The following NAV1 variants were observed in gnomAD, a reference collection of about 807,000 sequenced individuals.
NAV1 encodes neuron navigator 1.
Under a neutral mutation model 175.2 loss-of-function variants are expected in NAV1, and 18 were observed. The observed-to-expected ratio is 0.10, with a 90% CI of 0.07 to 0.15. The LOEUF (loss-of-function observed/expected upper bound fraction) is 0.15. Ranked by LOEUF, NAV1 falls within the 10% of genes least tolerant of loss-of-function variation. The pLI is 1.00. For synonymous variants in NAV1, 897 were observed against 978.7 expected, an observed-to-expected ratio of 0.92 and a Z score of 1.56; for missense variants, 1,731 against 2,436.6, an observed-to-expected ratio of 0.71 and a Z score of 6.10.
chr1:201,602,824 A>G (rs932972760), intron 2 of NAV1, among the ~76,000 whole-genome samples: 2 of 151,882 alleles, frequency 1.3e-5, no homozygotes, highest in South Asian at 4.2e-4. Flanking sequence ...ACTCCTGCTG[A>G]CTTTCACCAG....
At chr1:201,559,803 A>T (rs936436857) in intron 1 of NAV1, among the ~76,000 whole-genome samples, 1 of 152,202 alleles carries the variant, frequency 6.6e-6, no homozygotes, top group African/African-American at 2.4e-5. Flanking sequence ...CTTTGTCTGC[A>T]TGGCCTTGCA....
At chr1:201,708,221 CTG>C (rs1176949500) in intron 1 of NAV1, among the ~76,000 whole-genome samples, 3 of 151,868 alleles carry the variant, frequency 2.0e-5, no homozygotes, top group African/African-American at 4.8e-5. Flanking sequence ...TTTGTGGTAA[CTG>C]TGAATTGCCG....
intron 3 of NAV1, among the ~76,000 whole-genome samples, chr1:201,719,017 T>TGG (rs1159195314): frequency 6.6e-6 from 1 of 152,068 alleles, no homozygotes; most frequent in Non-Finnish European, 1.5e-5. Flanking sequence ...TTGGTCTCTG[T>TGG]GGCTGTCATT....
rs151070240 is a variant in NAV1 at position 201,640,952 on chromosome 1, G to A, written c.5-7682G>A. On this transcript the variant is annotated intron_variant, in intron 2 of 29. Transcript: ENST00000367302. ...TGGGAAGCACCAATAGGTGAATGAC[G>A]AATGACAGCCCTGAACATTAGGAAA... 3.5e-3 allele frequency among the ~76,000 whole-genome samples: 527 copies of A among 152,328 alleles called. 1 individual carries two copies. The highest frequency in any genetic ancestry group is 0.011 in the African/African-American group (458 of 41,578).
intron 3 of NAV1, among the ~76,000 whole-genome samples, chr1:201,734,499 G>GAAGAAGAAGAAGAGGAAGAAGAAGAAGA (rs1673016206): frequency 8.3e-6 from 1 of 121,060 alleles, no homozygotes; most frequent in Non-Finnish European, 1.8e-5. Context: ...GAAGGAGAAG[G>GAAGAAGAAGAAGAGGAAGAAGAAGAAGA]AGAAGAAGAA....
chr1:201,637,921 T>C (rs189900501), intron 2 of NAV1, among the ~76,000 whole-genome samples: 222 of 152,356 alleles, frequency 1.5e-3, no homozygotes, highest in African/African-American at 5.2e-3. Context: ...ACAGTTGCCA[T>C]GGCAACATAC....
At chr1:201,645,199 C>A (rs1190483717), upstream of NAV1, among the ~76,000 whole-genome samples, 1 of 152,038 alleles carries the variant, frequency 6.6e-6, no homozygotes, top group Non-Finnish European at 1.5e-5. Flanking sequence ...GGCACATATA[C>A]ACCATGGAAT....
intron 3 of NAV1, among the ~76,000 whole-genome samples, chr1:201,755,519 T>A (rs1477987243): frequency 6.6e-6 from 1 of 152,178 alleles, no homozygotes; most frequent in African/African-American, 2.4e-5. Flanking sequence ...AACTTAGTTT[T>A]TATTGTTATT....
intron 1 of NAV1, among the ~76,000 whole-genome samples, chr1:201,587,264 TA>T (rs376130157): frequency 0.012 from 1,650 of 143,390 alleles, 20 homozygotes; most frequent in African/African-American, 0.033. Context: ...TTTACCACAT[TA>T]AAAAAAAAAA....
At chr1:201,665,456 C>A (rs1358136834) in intron 1 of NAV1, among the ~76,000 whole-genome samples, 1 of 152,114 alleles carries the variant, frequency 6.6e-6, no homozygotes, top group African/African-American at 2.4e-5. Flanking sequence ...GCCTATCCTC[C>A]ATTTCTGTCC....
rs74136674 is a variant in NAV1 at position 201,793,649 on chromosome 1, A to G, written c.3322-143A>G. ...CCCCTTTGTCTGCTCAGGAAAATCAATATTTTTTTAACCACCAAGAGGTTT... is the reference window on the plus strand; with the variant it reads ...CCCCTTTGTCTGCTCAGGAAAATCAGTATTTTTTTAACCACCAAGAGGTTT... On this transcript the variant is annotated intron_variant, in intron 13 of 29. Coordinates refer to ENST00000367296, the Ensembl canonical transcript of NAV1. 0.016 allele frequency: 11,011 copies of G among 681,454 alleles called. 895 individuals carry two copies. In the African/African-American group the frequency reaches 0.17, roughly 11 times the overall value. The allele number at this position is 681,454 out of a possible 1,614,324, so 42.2% of individuals were successfully genotyped here. A position where few individuals can be genotyped will look rare whatever the true frequency, so the allele number is the denominator to read the frequency against.
In NAV1 at chr1:201,785,305, C is replaced by T. The variant is rs371266063; in HGVS notation, c.2805-5C>T. ...CTCTTTTTTTTTTTTTTTTTATCTCCACAGTAATCAGCGGGATCGGAACAC... is the reference window on the plus strand; with the variant it reads ...CTCTTTTTTTTTTTTTTTTTATCTCTACAGTAATCAGCGGGATCGGAACAC... On this transcript the variant is annotated splice_polypyrimidine_tract_variant and splice_region_variant and intron_variant, in intron 7 of 29. Transcript: ENST00000367296. 5 of 1,593,126 alleles carry T rather than the reference C, an allele frequency of 3.1e-6. No homozygotes were observed. Among genetic ancestry groups the T allele is most frequent in the African/African-American group, 2.8e-5 (2 of 72,506 alleles).
chr1:201,556,069 C>T (rs1190860323), intron 1 of NAV1, among the ~76,000 whole-genome samples: 1 of 152,098 alleles, frequency 6.6e-6, no homozygotes, highest in Non-Finnish European at 1.5e-5. Context: ...TAGATATTAG[C>T]CACAGCTTAG....
At chr1:201,751,166 T>C (rs1674077320) in intron 3 of NAV1, among the ~76,000 whole-genome samples, 1 of 152,206 alleles carries the variant, frequency 6.6e-6, no homozygotes, top group South Asian at 2.1e-4. Context: ...ATATGTATCT[T>C]TAGATAACAA....
intron 3 of NAV1, among the ~76,000 whole-genome samples, chr1:201,731,557 G>A (rs1489341360): frequency 6.6e-6 from 1 of 152,118 alleles, no homozygotes; most frequent in African/African-American, 2.4e-5. Context: ...TTCTTGTGGG[G>A]CATCTCCAGC....
intron 1 of NAV1, among the ~76,000 whole-genome samples, chr1:201,566,233 A>G (rs1036598011): frequency 2.6e-5 from 4 of 150,992 alleles, no homozygotes; most frequent in Non-Finnish European, 5.9e-5. Flanking sequence ...TCTGAGAACC[A>G]CTCCCCAGAC....
intron 8 of NAV1, 62 bp downstream of exon 12, chr1:201,785,413 A>C: frequency 6.5e-7 from 1 of 1,530,336 alleles, no homozygotes. Flanking sequence ...ATGAAAAATC[A>C]TATCTCAACC....
chr1:201,615,263 C>CTTTTTTT (rs1256633287), intron 2 of NAV1, among the ~76,000 whole-genome samples: 5 of 145,020 alleles, frequency 3.4e-5, no homozygotes, highest in African/African-American at 1.1e-4. Context: ...TTCTTTCTTT[C>CTTTTTTT]TTTCTTTTTT....
Position 201,812,624 on chromosome 1 carries a change from C to T in NAV1, c.5184C>T (p.Thr1728=). 1 of 1,614,054 alleles carries T rather than the reference C, an allele frequency of 6.2e-7. No individual in the cohort carries two copies. The highest frequency in any genetic ancestry group is 2.2e-5 in the East Asian group (1 of 44,880). The change falls in exon 27 of 30, where the codon ACC becomes ACT. Residue 1728 remains threonine (T), a synonymous_variant. Transcript: ENST00000367296. The surrounding 1 kb of genome is among the most constrained non-coding windows in gnomAD (Gnocchi z 4.6). ...CCAAGCTGTGGTATCATCTCCACAC[C>T]TTCCTTGAGAAGCACAGCACCTCAG... is the stretch of plus-strand genomic sequence containing the variant.
Sources: gnomAD v4.1 joint callset for allele counts (sites outside exome capture counted in the v4.1 genomes callset) on GRCh38, gnomAD v4.1.1 for gene constraint, Gnocchi (gnomAD v3.1) non-coding constraint, MANE v1.5 for transcripts, NCBI Gene and HGNC (gene_info 2026-07-23, HGNC 2026-07-21) for gene names.